Variants in PPFIBP2 observed in about 807,000 individuals in gnomAD.
PPFIBP2 encodes the protein liprin-beta-2.
PPFIBP2 carries 118 observed loss-of-function variants against 118.3 expected under a neutral mutation model. That is an observed-to-expected ratio of 1.00 (90% CI 0.86 to 1.16). PPFIBP2 has a LOEUF of 1.16. Ranked by LOEUF, PPFIBP2 falls within the 50% of genes most tolerant of loss-of-function variation. The pLI is 0.00. For synonymous variants in PPFIBP2, 414 were observed against 397.4 expected, an observed-to-expected ratio of 1.04 and a Z score of -0.50; for missense variants, 1,195 against 1,073.1, an observed-to-expected ratio of 1.11 and a Z score of -1.59.
At chr11:7,630,085 G>A (rs1416365822) in intron 10 of PPFIBP2, among the ~76,000 whole-genome samples, 2 of 152,228 alleles carry the variant, frequency 1.3e-5, no homozygotes, top group Non-Finnish European at 2.9e-5. Context: ...TATGGGCATA[G>A]TGGTGCATGT....
chr11:7,610,553 T>A (rs2070367268), intron 6 of PPFIBP2, 131 bp downstream of exon 6: 1 of 1,283,596 alleles, frequency 7.8e-7, no homozygotes, highest in Admixed American at 2.0e-5. Flanking sequence ...AGAGATGCAG[T>A]GATCTGTTAA....
chr11:7,639,843 G>A lies in PPFIBP2; in HGVS notation c.1348G>A (p.Ala450Thr), dbSNP rs143948272. ...TCCTCCCACCATCTGCCAGCCTGAC[G>A]CCACGGGGAGCAGCCTGCTGAGGCT... ...KSPPTICQPDATGSSLLRLRD... is the reference protein window; with the variant it reads ...KSPPTICQPDTTGSSLLRLRD... The change falls in exon 15 of 24, where the codon GCC becomes ACC. Residue 450 changes from alanine (A) to threonine (T), a missense_variant. Physicochemically the swap from Ala to Thr is moderately conservative, Grantham distance 58. Transcript: ENST00000299492. 2.4e-5 allele frequency: 39 copies of A among 1,614,112 alleles called. No homozygotes were observed. The African/African-American group carries it at 2.7e-4, about 11-fold the overall frequency.
chr11:7,611,732 T>C (rs1165331929), intron 6 of PPFIBP2, among the ~76,000 whole-genome samples: 1 of 152,196 alleles, frequency 6.6e-6, no homozygotes, highest in Non-Finnish European at 1.5e-5. Flanking sequence ...AATGAGACAA[T>C]GTATGTGGAA....
intron 5 of PPFIBP2, among the ~76,000 whole-genome samples, chr11:7,604,191 A>G (rs1847035027): frequency 6.6e-6 from 1 of 152,204 alleles, no homozygotes; most frequent in South Asian, 2.1e-4. Flanking sequence ...GCCAGCAAAG[A>G]AAATGGAGAA....
chr11:7,586,585 T>C (rs1336701342), intron 3 of PPFIBP2, among the ~76,000 whole-genome samples: 1 of 152,222 alleles, frequency 6.6e-6, no homozygotes, highest in Non-Finnish European at 1.5e-5. Flanking sequence ...TGAAGCATGA[T>C]TTTTTCTATT....
intron 21 of PPFIBP2, among the ~76,000 whole-genome samples, chr11:7,650,147 C>G (rs1340158511): frequency 6.6e-6 from 1 of 152,102 alleles, no homozygotes; most frequent in Non-Finnish European, 1.5e-5. Flanking sequence ...AATAACAGCA[C>G]CCCAAGTCTT....
chr11:7,645,649 C>T (rs1375046549), intron 17 of PPFIBP2, among the ~76,000 whole-genome samples: 1 of 152,088 alleles, frequency 6.6e-6, no homozygotes, highest in Admixed American at 6.5e-5. Flanking sequence ...TCTGTGTGAA[C>T]ACCTCAAGGC....
At chr11:7,652,879 C>A in intron 23 of PPFIBP2, 145 bp from the exon 24 acceptor site, 1 of 962,596 alleles carries the variant, frequency 1.0e-6, no homozygotes, top group Non-Finnish European at 1.5e-6. Context: ...CTTCCAAGAG[C>A]TCTGTTTTGT....
intron 7 of PPFIBP2, among the ~76,000 whole-genome samples, chr11:7,621,718 C>T (rs759066710): frequency 7.9e-5 from 12 of 152,222 alleles, no homozygotes; most frequent in Non-Finnish European, 1.6e-4. Context: ...AGGAAGTTTA[C>T]ATTAGGCTAC....
intron 5 of PPFIBP2, among the ~76,000 whole-genome samples, chr11:7,598,768 A>C (rs552544244): frequency 4.6e-5 from 7 of 152,132 alleles, no homozygotes; most frequent in Non-Finnish European, 1.0e-4. Flanking sequence ...GATCAGCATA[A>C]GACTCAGATT....
intron 3 of PPFIBP2, among the ~76,000 whole-genome samples, chr11:7,566,736 C>CT (rs201933789): frequency 9.5e-6 from 1 of 105,032 alleles, no homozygotes; most frequent in African/African-American, 6.2e-5. Flanking sequence ...TTTATTTGTA[C>CT]AAATTGTGGG....
At chr11:7,622,256 G>T (rs530081758) in intron 7 of PPFIBP2, among the ~76,000 whole-genome samples, 2 of 152,170 alleles carry the variant, frequency 1.3e-5, no homozygotes, top group African/African-American at 2.4e-5. Context: ...ACCAGATCTC[G>T]TGAGAACTCA....
the PPFIBP2 span, chr11:7,666,163 T>TG: frequency 3.3e-6 from 2 of 599,808 alleles, no homozygotes; most frequent in South Asian, 4.0e-5. Flanking sequence ...CTGTGTGGAA[T>TG]GGGTGGGTGT....
At chr11:7,599,301 A>T (rs908465959) in intron 5 of PPFIBP2, among the ~76,000 whole-genome samples, 1 of 152,214 alleles carries the variant, frequency 6.6e-6, no homozygotes, top group African/African-American at 2.4e-5. Flanking sequence ...TAAACAATCC[A>T]GAAAGAGAGC....
At chr11:7,657,003 T>A (rs1021670212), downstream of PPFIBP2, 11 of 359,086 alleles carry the variant, frequency 3.1e-5, no homozygotes, top group Non-Finnish European at 4.9e-5. Context: ...TCAACCATGC[T>A]GCGCTCTTCA....
chr11:7,577,734 G>T (rs1279851583), intron 3 of PPFIBP2: 3 of 450,518 alleles, frequency 6.7e-6, no homozygotes, highest in African/African-American at 6.0e-5. Context: ...TGTGTGGTAG[G>T]GGGAGGTATT....
intron 1 of PPFIBP2, among the ~76,000 whole-genome samples, chr11:7,527,874 C>A (rs968954609): frequency 1.3e-5 from 2 of 152,172 alleles, no homozygotes; most frequent in Non-Finnish European, 2.9e-5. Context: ...TTAAATAGGG[C>A]ACCAGGGATT....
chr11:7,549,344 C>G (rs369654276), intron 1 of PPFIBP2, 96 bp from the exon 2 acceptor site: 1 of 1,092,608 alleles, frequency 9.2e-7, no homozygotes, highest in African/African-American at 1.6e-5. Flanking sequence ...TATGAAAACA[C>G]GTTGTGTGAT....
intron 7 of PPFIBP2, among the ~76,000 whole-genome samples, chr11:7,623,816 G>C (rs1849640324): frequency 6.6e-6 from 1 of 152,218 alleles, no homozygotes; most frequent in Non-Finnish European, 1.5e-5. Context: ...GAATCATCTG[G>C]CCTTTGTAGA....
Sources: allele counts gnomAD v4.1 joint callset (sites outside exome capture counted in the v4.1 genomes callset), GRCh38; gene constraint gnomAD v4.1.1; transcripts MANE v1.5; gene names NCBI Gene and HGNC (gene_info 2026-07-23, HGNC 2026-07-21).